The following SUMF1 variants were observed in gnomAD, a reference collection of about 807,000 sequenced individuals.
SUMF1 encodes the protein sulfatase modifying factor 1, also known as formylglycine-generating enzyme.
Under a neutral mutation model 47.6 loss-of-function variants are expected in SUMF1, and 48 were observed. The ratio of observed to expected loss-of-function variants is 1.01; its 90% CI spans 0.80 to 1.28. SUMF1 has a LOEUF of 1.28. Ranked by LOEUF, SUMF1 falls within the 50% of genes most tolerant of loss-of-function variation. The probability of loss-of-function intolerance (pLI) is 0.00; values close to 1 mark genes in which losing one functional copy is unlikely to be tolerated. For missense variants in SUMF1, 571 were observed against 485.4 expected, an observed-to-expected ratio of 1.18 and a Z score of -1.66; for synonymous variants, 230 against 192.1, an observed-to-expected ratio of 1.20 and a Z score of -1.63.
intron 8 of SUMF1, among the ~76,000 whole-genome samples, chr3:4,365,520 C>G (rs1473395568): frequency 7.2e-6 from 1 of 139,234 alleles, no homozygotes; most frequent in Non-Finnish European, 1.6e-5. Flanking sequence ...TCTGTTTTAT[C>G]AGAGACTAGG....
intron 8 of SUMF1, among the ~76,000 whole-genome samples, chr3:4,279,204 T>G (rs1158396081): frequency 6.6e-6 from 1 of 152,178 alleles, no homozygotes; most frequent in African/African-American, 2.4e-5. Flanking sequence ...AGTATTACAC[T>G]GAAGTACTAT....
intron 8 of SUMF1, among the ~76,000 whole-genome samples, chr3:4,231,177 A>T (rs1042330117): frequency 6.6e-6 from 1 of 152,098 alleles, no homozygotes; most frequent in African/African-American, 2.4e-5. Flanking sequence ...GCTAGGCACA[A>T]TCGAGTTTTG....
intron 8 of SUMF1, among the ~76,000 whole-genome samples, chr3:4,109,018 C>A (rs1693225469): frequency 6.6e-6 from 1 of 152,086 alleles, no homozygotes; most frequent in Non-Finnish European, 1.5e-5. Context: ...TCTTCCTAGC[C>A]TCCATGGTCT....
intron 8 of SUMF1, among the ~76,000 whole-genome samples, chr3:4,142,605 C>T (rs1342982356): frequency 6.6e-6 from 1 of 152,048 alleles, no homozygotes; most frequent in Non-Finnish European, 1.5e-5. Flanking sequence ...TGCTTAAGGA[C>T]TACAAAATAC....
At chr3:4,187,168 G>A (rs1053585770) in intron 8 of SUMF1, among the ~76,000 whole-genome samples, 1 of 152,082 alleles carries the variant, frequency 6.6e-6, no homozygotes, top group African/African-American at 2.4e-5. Flanking sequence ...CCAGGAGTAT[G>A]AGACCAGCCT....
intron 8 of SUMF1, among the ~76,000 whole-genome samples, chr3:4,119,018 A>G (rs1173301786): frequency 6.6e-6 from 1 of 152,098 alleles, no homozygotes; most frequent in Non-Finnish European, 1.5e-5. Flanking sequence ...AACAGCATAT[A>G]CAACATTGAT....
intron 9 of SUMF1, among the ~76,000 whole-genome samples, chr3:4,056,092 G>A (rs1695187364): frequency 6.6e-6 from 1 of 151,980 alleles, no homozygotes; most frequent in Non-Finnish European, 1.5e-5. Context: ...CCTATTTTAT[G>A]GTCAGCTGAT....
At chr3:4,133,369 T>A (rs927088307) in intron 8 of SUMF1, among the ~76,000 whole-genome samples, 1 of 152,152 alleles carries the variant, frequency 6.6e-6, no homozygotes, top group Non-Finnish European at 1.5e-5. Flanking sequence ...AAATTATGTA[T>A]GATCTCAGGA....
At chr3:4,105,268 A>G (rs1693132498) in intron 8 of SUMF1, among the ~76,000 whole-genome samples, 1 of 152,140 alleles carries the variant, frequency 6.6e-6, no homozygotes, top group African/African-American at 2.4e-5. Flanking sequence ...TCAAATGCAC[A>G]GAGTTTTAGT....
At chr3:4,086,904 A>C (rs1692684191) in intron 8 of SUMF1, among the ~76,000 whole-genome samples, 2 of 152,054 alleles carry the variant, frequency 1.3e-5, no homozygotes, top group Non-Finnish European at 2.9e-5. Context: ...TTCCACCATG[A>C]TTATGAGGCC....
intron 8 of SUMF1, among the ~76,000 whole-genome samples, chr3:4,118,237 T>C (rs531269189): frequency 5.3e-5 from 8 of 152,000 alleles, no homozygotes; most frequent in Non-Finnish European, 8.8e-5. Flanking sequence ...GAAGAGAAGA[T>C]ATTGCATGCT....
chr3:4,408,911 G>C lies in SUMF1; in HGVS notation c.954+1954C>G, dbSNP rs899646016. Among the ~76,000 whole-genome samples the C allele has an allele frequency of 2.0e-5, 3 of 152,028 alleles. No individual in the cohort carries two copies. In the East Asian group the frequency reaches 5.8e-4, roughly 29 times the overall value. On this transcript the variant is annotated intron_variant, in intron 7 of 8. Transcript: ENST00000272902. ...CGGGAGGCAGAGGCTGCAGTGAGCT[G>C]AGATCACGCCACTGCACTCCAGCCT...
chr3:4,427,990 T>C (rs980742356), intron 3 of SUMF1, among the ~76,000 whole-genome samples: 16 of 152,222 alleles, frequency 1.1e-4, no homozygotes, highest in African/African-American at 3.9e-4. Flanking sequence ...TATTTCTTAT[T>C]ATTTAAAAAC....
intron 8 of SUMF1, among the ~76,000 whole-genome samples, chr3:4,220,450 G>A (rs1240702186): frequency 2.0e-5 from 3 of 152,024 alleles, no homozygotes; most frequent in Non-Finnish European, 2.9e-5. Flanking sequence ...TAGGAGCATT[G>A]CTTTCCAGGT....
intron 8 of SUMF1, among the ~76,000 whole-genome samples, chr3:4,104,261 C>T (rs1449232384): frequency 1.3e-5 from 2 of 152,044 alleles, no homozygotes; most frequent in Non-Finnish European, 2.9e-5. Context: ...CTCATTCTCT[C>T]GTCTGCCACC....
At chr3:4,253,281 G>A (rs1460884617) in intron 8 of SUMF1, among the ~76,000 whole-genome samples, 1 of 152,210 alleles carries the variant, frequency 6.6e-6, no homozygotes, top group African/African-American at 2.4e-5. Flanking sequence ...AATAGGAACA[G>A]CTCCGGTCTA....
intron 8 of SUMF1, among the ~76,000 whole-genome samples, chr3:4,240,306 C>T (rs1359107710): frequency 3.3e-5 from 5 of 152,096 alleles, no homozygotes; most frequent in Non-Finnish European, 7.4e-5. Context: ...GGAGGATTCC[C>T]TCTTTTTCTA....
intron 8 of SUMF1, among the ~76,000 whole-genome samples, chr3:4,163,873 G>C (rs1026919286): frequency 2.6e-5 from 4 of 152,150 alleles, no homozygotes; most frequent in Non-Finnish European, 4.4e-5. Context: ...TTGGAAAGGA[G>C]TGGGGAAGAC....
At chr3:4,338,651 C>T (rs1302793668) in intron 8 of SUMF1, among the ~76,000 whole-genome samples, 2 of 152,012 alleles carry the variant, frequency 1.3e-5, no homozygotes, top group South Asian at 4.2e-4. Context: ...AATTCATGGT[C>T]TCATAAGGGA....
Sources: gnomAD v4.1 joint callset for allele counts (sites outside exome capture counted in the v4.1 genomes callset) on GRCh38, gnomAD v4.1.1 for gene constraint, MANE v1.5 for transcripts, NCBI Gene and HGNC (gene_info 2026-07-23, HGNC 2026-07-21) for gene names.